FAF2: variants seen among roughly 807,000 people sequenced by gnomAD.
The protein encoded by FAF2 is Fas associated factor family member 2.
In FAF2, 9 loss-of-function variants were observed where a neutral mutation model predicts 62.3. The observed-to-expected ratio is 0.14, with a 90% CI of 0.09 to 0.25. The LOEUF (loss-of-function observed/expected upper bound fraction) is 0.25. Among genes scored for constraint, FAF2 ranks in the 10% least tolerant of loss-of-function variants. The pLI, the probability that FAF2 is intolerant of heterozygous loss-of-function variation, is 1.00. For missense variants in FAF2, 368 were observed against 556.2 expected, an observed-to-expected ratio of 0.66 and a Z score of 3.40; for synonymous variants, 202 against 198.0, an observed-to-expected ratio of 1.02 and a Z score of -0.17.
Position 176,486,499 on chromosome 5 carries a change from T to A in FAF2, c.267+10T>A. ...AAGACCTCAACCAAGGGCAAGTTAT[T>A]TCATAGCTGGGATTTCCCCCTTTTT... is the stretch of plus-strand genomic sequence containing the variant. On this transcript the variant is annotated intron_variant, in intron 3 of 10. Transcript: ENST00000261942. The A allele has an allele frequency of 6.2e-7, 1 of 1,613,792 alleles. No individual in the cohort carries two copies.
At chr5:176,482,607 C>T (rs1758801615) in intron 2 of FAF2, among the ~76,000 whole-genome samples, 1 of 152,216 alleles carries the variant, frequency 6.6e-6, no homozygotes, top group Non-Finnish European at 1.5e-5. Flanking sequence ...CTCCCAGACT[C>T]AAGTGATCCT....
intron 1 of FAF2, among the ~76,000 whole-genome samples, chr5:176,451,884 ATATATATATTTTTTTTTTT>A: frequency 3.5e-5 from 1 of 28,348 alleles, no homozygotes; most frequent in Non-Finnish European, 6.2e-5. Flanking sequence ...ACATATATAT[ATATATATATTTTTTTTTTT>A]TTTTTTTTTT....
intron 1 of FAF2, among the ~76,000 whole-genome samples, chr5:176,465,972 T>C (rs1758460511): frequency 6.6e-6 from 1 of 152,264 alleles, no homozygotes. Context: ...CATTTACCAT[T>C]ATCTAGATAT....
chr5:176,453,165 A>G (rs1157266269), intron 1 of FAF2: 2 of 152,192 alleles, frequency 1.3e-5, no homozygotes, highest in African/African-American at 2.4e-5. Context: ...ATTGCAGACA[A>G]TTGTTTTCAG....
In FAF2 at chr5:176,496,550, G is replaced by A; in HGVS notation, c.726G>A (p.Arg242=). The A allele has an allele frequency of 6.2e-7, 1 of 1,613,142 alleles. No individual in the cohort carries two copies. The highest frequency in any genetic ancestry group is 8.5e-7 in the Non-Finnish European group (1 of 1,179,520). The change falls in exon 8 of 11, where the codon AGG becomes AGA. Residue 242 remains arginine (R), a synonymous_variant. Transcript: ENST00000261942. ...FLAMIMLKDR[R]MTVVGRLEGL... ...CCATGATTATGCTGAAGGATCGAAG[G>A]ATGACTGTGGTGGGACGGCTAGAAG...
chr5:176,492,002 A>G (rs1758977502), intron 4 of FAF2, among the ~76,000 whole-genome samples, 192 bp from the exon 5 acceptor site: 2 of 152,192 alleles, frequency 1.3e-5, no homozygotes, highest in Non-Finnish European at 2.9e-5. Context: ...TGAACAGGCA[A>G]TAGAATAACA....
At chr5:176,482,895 TTTGTTGTTG>T (rs139025062) in intron 2 of FAF2, among the ~76,000 whole-genome samples, 5 of 151,434 alleles carry the variant, frequency 3.3e-5, no homozygotes, top group African/African-American at 4.9e-5. Flanking sequence ...GGTTTGTGGT[TTTGTTGTTG>T]TTGTTGTTGT....
chr5:176,489,235 A>G (rs1758928072), intron 4 of FAF2, among the ~76,000 whole-genome samples: 2 of 152,154 alleles, frequency 1.3e-5, no homozygotes, highest in African/African-American at 4.8e-5. Flanking sequence ...TTGTTTTTAA[A>G]TTAGTCTTAC....
At chr5:176,448,592 C>G in intron 1 of FAF2, 122 bp downstream of exon 1, 2 of 914,000 alleles carry the variant, frequency 2.2e-6, no homozygotes, top group Non-Finnish European at 3.2e-6. Context: ...CCGGCCCCCT[C>G]CCCCCCAGAC....
chr5:176,452,011 C>T (rs1391524842), intron 1 of FAF2, among the ~76,000 whole-genome samples: 1 of 143,702 alleles, frequency 7.0e-6, no homozygotes, highest in Non-Finnish European at 1.5e-5. Flanking sequence ...AAGTGATCCT[C>T]CCACCTCAGC....
intron 1 of FAF2, among the ~76,000 whole-genome samples, chr5:176,472,719 C>CAAAAA (rs66911150): frequency 1.8e-5 from 2 of 108,506 alleles, no homozygotes; most frequent in Admixed American, 9.3e-5. Flanking sequence ...TTCATCTCTA[C>CAAAAA]AAAAAAAAAA....
chr5:176,503,575 C>T (rs953236525), intron 10 of FAF2, among the ~76,000 whole-genome samples: 10 of 151,148 alleles, frequency 6.6e-5, no homozygotes, highest in Non-Finnish European at 1.3e-4. Flanking sequence ...AAAAAAAAGA[C>T]CTTGTATCAC....
chr5:176,463,249 T>C (rs1201427678), intron 1 of FAF2, among the ~76,000 whole-genome samples: 1 of 151,816 alleles, frequency 6.6e-6, no homozygotes, highest in Admixed American at 6.6e-5. Flanking sequence ...CAAAAAAAAT[T>C]AGCCAGGCAT....
In FAF2 at chr5:176,503,105, T is replaced by G. The variant is rs141001521; in HGVS notation, c.1155+2959T>G. On this transcript the variant is annotated intron_variant, in intron 10 of 10. Transcript: ENST00000261942. ...AAAAGAGTATCATGGCCACATGAGA[T>G]TAGTCTAAGAGAAATGCTTGGTCAT... Among the ~76,000 whole-genome samples the G allele has an allele frequency of 2.3e-3, 356 of 152,084 alleles. 2 individuals are homozygous for G. Among genetic ancestry groups the G allele is most frequent in the African/African-American group, 8.3e-3 (345 of 41,498 alleles).
rs1184027047 is a variant in FAF2, at chr5:176,509,124, T to C, written c.*2174T>C. 1.3e-5 allele frequency: 2 copies of C among 152,218 alleles called. No homozygotes were observed. The highest frequency in any genetic ancestry group is 4.8e-5 in the African/African-American group (2 of 41,450). 9.4% of individuals were successfully genotyped at this position (152,218 alleles called of 1,614,324 possible). On this transcript the variant is annotated 3_prime_UTR_variant, in exon 11 of 11. Coordinates refer to ENST00000261942, the MANE Select transcript of FAF2 (RefSeq NM_014613.3). Reference sequence around the variant, plus strand: ...CTGTTAGGGCGGCCTTCCCATTTACTTTAGGTTTCAAGAGGATTCACCGGA... The same window carrying C: ...CTGTTAGGGCGGCCTTCCCATTTACCTTAGGTTTCAAGAGGATTCACCGGA...
At chr5:176,504,965 G>A (rs1207611108) in intron 10 of FAF2, among the ~76,000 whole-genome samples, 1 of 151,252 alleles carries the variant, frequency 6.6e-6, no homozygotes, top group Non-Finnish European at 1.5e-5. Flanking sequence ...CGAGGCTGCA[G>A]TGAGTCGTGT....
intron 10 of FAF2, among the ~76,000 whole-genome samples, chr5:176,501,334 C>T (rs566637362): frequency 1.4e-4 from 21 of 152,322 alleles, no homozygotes; most frequent in East Asian, 9.6e-4. Context: ...TTTCCCTGAT[C>T]GCTCAGAATA....
chr5:176,462,578 C>T lies in FAF2; in HGVS notation c.63+14108C>T, dbSNP rs555282151. The stretch of plus-strand genomic sequence containing the variant: ...GGCGGAGGTTGCAGTGAGCCGAGAT[C>T]GCGCCACTGCACTCCAGCCTAACGA... On this transcript the variant is annotated intron_variant, in intron 1 of 10. Coordinates refer to ENST00000261942, the MANE Select transcript of FAF2 (RefSeq NM_014613.3). Among the ~76,000 whole-genome samples the T allele has an allele frequency of 6.6e-5, 10 of 152,140 alleles. No individual in the cohort carries two copies. In the East Asian group the frequency reaches 1.4e-3, roughly 21 times the overall value.
intron 1 of FAF2, among the ~76,000 whole-genome samples, chr5:176,470,623 G>A (rs981090644): frequency 8.6e-5 from 13 of 151,964 alleles, no homozygotes; most frequent in African/African-American, 3.2e-4. Flanking sequence ...CTTATACTAG[G>A]TTTAAAAACA....
Sources: gnomAD v4.1 joint callset for allele counts (sites outside exome capture counted in the v4.1 genomes callset) on GRCh38, gnomAD v4.1.1 for gene constraint, MANE v1.5 for transcripts, NCBI Gene and HGNC (gene_info 2026-07-23, HGNC 2026-07-21) for gene names.